SHISA9: variants seen among roughly 807,000 people sequenced by gnomAD.
SHISA9 encodes shisa family member 9.
Under a neutral mutation model 38.0 loss-of-function variants are expected in SHISA9, and 13 were observed. The ratio of observed to expected loss-of-function variants is 0.34; its 90% confidence interval spans 0.22 to 0.54. The LOEUF (loss-of-function observed/expected upper bound fraction) is 0.54, where lower values mean the gene tolerates loss of function less well. Among genes scored for constraint, SHISA9 ranks in the 20% least tolerant of loss-of-function variants. The pLI is 0.91. For synonymous variants in SHISA9, 275 were observed against 242.0 expected, an observed-to-expected ratio of 1.14 and a Z score of -1.27; for missense variants, 538 against 575.8, an observed-to-expected ratio of 0.93 and a Z score of 0.67.
At chr16:13,286,980 T>A in the SHISA9 span, among the ~76,000 whole-genome samples, 1 of 152,160 alleles carries the variant, frequency 6.6e-6, no homozygotes, top group Non-Finnish European at 1.5e-5. Flanking sequence ...GATTGTGTAT[T>A]TTTGTTAATT....
chr16:13,531,699 G>C, the SHISA9 span, among the ~76,000 whole-genome samples: 156 of 152,314 alleles, frequency 1.0e-3, no homozygotes, highest in African/African-American at 3.6e-3. Flanking sequence ...TGAAGTCAGA[G>C]ATGTATGAGC....
chr16:13,475,623 G>T, the SHISA9 span, among the ~76,000 whole-genome samples: 2 of 152,030 alleles, frequency 1.3e-5, no homozygotes, highest in African/African-American at 4.8e-5. Context: ...CACAAACCCA[G>T]GTTGTTGGGG....
intron 2 of SHISA9, among the ~76,000 whole-genome samples, chr16:13,034,526 G>C (rs527268061): frequency 1.3e-4 from 20 of 152,102 alleles, no homozygotes; most frequent in African/African-American, 4.8e-4. Flanking sequence ...GTTTATTTTT[G>C]GGGGGCCACT....
At chr16:13,165,731 A>G (rs2050629862) in intron 2 of SHISA9, among the ~76,000 whole-genome samples, 3 of 152,236 alleles carry the variant, frequency 2.0e-5, no homozygotes, top group South Asian at 4.1e-4. Context: ...TAGACACAGT[A>G]TCACGTGCTG....
chr16:13,040,882 T>G (rs753252542), intron 2 of SHISA9, among the ~76,000 whole-genome samples: 4 of 152,206 alleles, frequency 2.6e-5, no homozygotes, highest in African/African-American at 4.8e-5. Context: ...GCAAGCCTTT[T>G]TCTAGGACCA....
At chr16:13,263,749 C>A in the SHISA9 span, among the ~76,000 whole-genome samples, 1 of 152,068 alleles carries the variant, frequency 6.6e-6, no homozygotes, top group African/African-American at 2.4e-5. Context: ...CTGCCAATAC[C>A]AATTTCCTGG....
chr16:13,341,947 A>G, the SHISA9 span, among the ~76,000 whole-genome samples: 2,576 of 152,228 alleles, frequency 0.017, 78 homozygotes, highest in African/African-American at 0.06. Context: ...GCCTAAGCCA[A>G]AAATCTGGGC....
the SHISA9 span, among the ~76,000 whole-genome samples, chr16:13,485,460 C>G: frequency 6.6e-6 from 1 of 152,074 alleles, no homozygotes; most frequent in Non-Finnish European, 1.5e-5. Flanking sequence ...AGCCCTTGTT[C>G]TCATACCATA....
At chr16:13,341,475 A>C in the SHISA9 span, among the ~76,000 whole-genome samples, 1 of 152,152 alleles carries the variant, frequency 6.6e-6, no homozygotes, top group African/African-American at 2.4e-5. Flanking sequence ...TCTTCCCCCA[A>C]GATGATTCAA....
At chr16:13,450,649 A>G in the SHISA9 span, among the ~76,000 whole-genome samples, 1 of 152,232 alleles carries the variant, frequency 6.6e-6, no homozygotes, top group South Asian at 2.1e-4. Flanking sequence ...ATGAAGTGGA[A>G]TTATTATCTC....
intron 3 of SHISA9, among the ~76,000 whole-genome samples, chr16:13,205,373 C>A (rs2051054220): frequency 6.6e-6 from 1 of 152,192 alleles, no homozygotes; most frequent in South Asian, 2.1e-4. Context: ...CTCACTGTGT[C>A]CTGTGAGCTC....
intron 2 of SHISA9, among the ~76,000 whole-genome samples, chr16:13,047,327 T>TA (rs201507757): frequency 1.8e-3 from 253 of 143,382 alleles, no homozygotes; most frequent in Admixed American, 3.3e-3. Context: ...ATCAGACCAT[T>TA]AAAAAAAAAA....
chr16:13,373,901 CA>C, the SHISA9 span, among the ~76,000 whole-genome samples: 1 of 152,176 alleles, frequency 6.6e-6, no homozygotes, highest in African/African-American at 2.4e-5. Context: ...TTCATATGGT[CA>C]CAGGTTGGGT....
chr16:12,929,837 A>G (rs1202180702), intron 2 of SHISA9, among the ~76,000 whole-genome samples: 1 of 152,028 alleles, frequency 6.6e-6, no homozygotes, highest in African/African-American at 2.4e-5. Flanking sequence ...ATGTCCCAGA[A>G]TTGCTTCCAC....
rs1052329299 is a variant in SHISA9 at position 13,202,545 on chromosome 16, A to G, written c.692-849A>G. Among the ~76,000 whole-genome samples the G allele has an allele frequency of 2.3e-5, 2 of 88,202 alleles. 1 individual carries two copies. The highest frequency in any genetic ancestry group is 5.8e-4 in the South Asian group (2 of 3,476). 57.9% of individuals were successfully genotyped at this position (88,202 alleles called of 152,430 possible). On this transcript the variant is annotated intron_variant, in intron 2 of 4. Coordinates refer to ENST00000558583, the MANE Select transcript of SHISA9 (RefSeq NM_001145204.3). ...GTTATATTACTTAACAAAAAATGCT[A>G]TACTATTTGCTTTCCTTTAAAGCTT...
At chr16:13,112,400 A>G (rs904878582) in intron 2 of SHISA9, among the ~76,000 whole-genome samples, 1 of 151,992 alleles carries the variant, frequency 6.6e-6, no homozygotes, top group South Asian at 2.1e-4. Context: ...AAGGAAAAAA[A>G]AGGTTTTGAT....
the SHISA9 span, among the ~76,000 whole-genome samples, chr16:13,476,494 C>A: frequency 1.2e-4 from 18 of 152,114 alleles, no homozygotes; most frequent in Middle Eastern, 3.2e-3. Flanking sequence ...CTAGACTGAA[C>A]CCCTGGTGTT....
At chr16:13,235,007 C>G in intron 4 of SHISA9, 23 bp from the exon 5 acceptor site, 1 of 1,511,668 alleles carries the variant, frequency 6.6e-7, no homozygotes, top group South Asian at 1.3e-5. Context: ...TCCCCTTCTT[C>G]ATCCACCCGT....
chr16:13,207,186 C>T (rs2051073316), intron 3 of SHISA9, among the ~76,000 whole-genome samples: 2 of 152,096 alleles, frequency 1.3e-5, no homozygotes, highest in Non-Finnish European at 2.9e-5. Context: ...ATCACTTGAA[C>T]CTGGGACGCG....
Sources: gnomAD v4.1 joint callset for allele counts (sites outside exome capture counted in the v4.1 genomes callset) on GRCh38, gnomAD v4.1.1 for gene constraint, MANE v1.5 for transcripts, NCBI Gene and HGNC (gene_info 2026-07-23, HGNC 2026-07-21) for gene names.